Variants in PTBP2 observed in about 807,000 individuals in gnomAD.
The protein encoded by PTBP2 is polypyrimidine tract binding protein 2, also known as polypyrimidine tract-binding protein 2.
Under a neutral mutation model 61.4 loss-of-function variants are expected in PTBP2, and 13 were observed. That is an observed-to-expected ratio of 0.21 (90% confidence interval 0.14 to 0.34). The LOEUF (loss-of-function observed/expected upper bound fraction) is 0.34, where lower values mean the gene tolerates loss of function less well. Among genes scored for constraint, PTBP2 ranks in the 10% least tolerant of loss-of-function variants. The probability of loss-of-function intolerance (pLI) is 1.00; values close to 1 mark genes in which losing one functional copy is unlikely to be tolerated. For synonymous variants in PTBP2, 215 were observed against 218.5 expected (o/e 0.98, Z 0.14); for missense variants, 405 against 642.6 (o/e 0.63, Z 4.00).
chr1:96,794,440 A>G (rs1434885364), intron 8 of PTBP2, among the ~76,000 whole-genome samples: 3 of 152,192 alleles, frequency 2.0e-5, no homozygotes, highest in Non-Finnish European at 4.4e-5. Flanking sequence ...CCAAAGTATA[A>G]AATATGATTC....
At chr1:96,823,083 C>T (rs1420033342) in exon 14 of PTBP2, 1 of 152,438 alleles carries the variant, frequency 6.6e-6, no homozygotes, top group Admixed American at 6.5e-5. Context: ...GCCTCAGCCT[C>T]CTGAGTAGCT....
chr1:96,732,589 G>T (rs771313905), intron 2 of PTBP2, among the ~76,000 whole-genome samples: 1 of 152,120 alleles, frequency 6.6e-6, no homozygotes, highest in Non-Finnish European at 1.5e-5. Flanking sequence ...TCAATAAAAA[G>T]ATAAATAACA....
At chr1:96,731,321 T>TTGG (rs1408578555) in intron 2 of PTBP2, among the ~76,000 whole-genome samples, 1 of 152,180 alleles carries the variant, frequency 6.6e-6, no homozygotes, top group African/African-American at 2.4e-5. Context: ...TTCCATACCC[T>TTGG]TGGCAATTCT....
chr1:96,804,936 A>G lies in PTBP2; in HGVS notation c.1041A>G (p.Glu347=). Residue 347 remains glutamate (E), a synonymous_variant, in exon 9 of 14, where the codon GAA becomes GAG. Coordinates refer to ENST00000674951, the MANE Select transcript of PTBP2 (RefSeq NM_021190.4). ...NTVLLVSNLN[E]EMVTPQSLFT... The stretch of plus-strand genomic sequence containing the variant: ...TCCTGTTGGTTAGCAATTTAAATGA[A>G]GAGGTTAGTAAAATAATCTCTAATG... 1 of 1,585,648 alleles carries G rather than the reference A, an allele frequency of 6.3e-7. No individual in the cohort carries two copies. Among genetic ancestry groups the G allele is most frequent in the Non-Finnish European group, 8.6e-7 (1 of 1,164,466 alleles).
At chr1:96,757,538 A>G (rs1281264195) in intron 3 of PTBP2, among the ~76,000 whole-genome samples, 3 of 152,218 alleles carry the variant, frequency 2.0e-5, no homozygotes, top group Non-Finnish European at 4.4e-5. Flanking sequence ...ATAGGATAGT[A>G]CAGTCCTAGC....
chr1:96,732,056 A>C (rs1047827953), intron 2 of PTBP2, among the ~76,000 whole-genome samples: 1 of 152,190 alleles, frequency 6.6e-6, no homozygotes, highest in Non-Finnish European at 1.5e-5. Context: ...ATCAAGACCT[A>C]TAACTGGACA....
At chr1:96,793,621 T>C (rs536445206) in intron 8 of PTBP2, among the ~76,000 whole-genome samples, 1 of 152,300 alleles carries the variant, frequency 6.6e-6, no homozygotes, top group East Asian at 1.9e-4. Flanking sequence ...TCCGCCCACC[T>C]TGGTCTCCCA....
At chr1:96,760,544 C>T (rs927079803) in intron 3 of PTBP2, among the ~76,000 whole-genome samples, 1 of 143,758 alleles carries the variant, frequency 7.0e-6, no homozygotes, top group Non-Finnish European at 1.5e-5. Context: ...CTCCTGGGTT[C>T]AAGCGATTCT....
chr1:96,765,588 G>C (rs1200342280), intron 3 of PTBP2, among the ~76,000 whole-genome samples: 1 of 152,066 alleles, frequency 6.6e-6, no homozygotes, highest in Non-Finnish European at 1.5e-5. Flanking sequence ...GTGCACACCT[G>C]AATTCCCAGC....
chr1:96,808,038 T>C (rs1336626480), intron 11 of PTBP2, among the ~76,000 whole-genome samples: 2 of 152,162 alleles, frequency 1.3e-5, no homozygotes, highest in African/African-American at 2.4e-5. Flanking sequence ...TTCTCAAATA[T>C]GTCATTTTTT....
intron 3 of PTBP2, among the ~76,000 whole-genome samples, chr1:96,769,069 G>T (rs562513778): frequency 6.6e-6 from 1 of 151,870 alleles, no homozygotes; most frequent in South Asian, 2.1e-4. Flanking sequence ...TAAATCTTGG[G>T]GATAGTGATG....
At chr1:96,754,751 G>T (rs1163284012) in intron 3 of PTBP2, among the ~76,000 whole-genome samples, 4 of 152,124 alleles carry the variant, frequency 2.6e-5, no homozygotes, top group Admixed American at 1.3e-4. Context: ...TCAATTCAGT[G>T]GAGAAAAAGT....
downstream of PTBP2, chr1:96,819,983 C>T (rs969929247): frequency 1.5e-4 from 23 of 151,890 alleles, no homozygotes; most frequent in African/African-American, 5.6e-4. Context: ...CTATAGTTGT[C>T]TTTGCCCTAA....
chr1:96,811,607 G>A (rs911014662), intron 11 of PTBP2, among the ~76,000 whole-genome samples: 1 of 152,054 alleles, frequency 6.6e-6, no homozygotes, highest in African/African-American at 2.4e-5. Flanking sequence ...AGTAGAGATG[G>A]GGTGTTACCA....
Position 96,785,186 on chromosome 1 carries a change from C to G in PTBP2, c.836C>G (p.Ser279Cys), listed in dbSNP as rs1477551831. ...SRDYTRPDLP[S>C]GDGQPALDPA... ...GATTATACTCGACCTGATCTTCCAT[C>G]TGGGGATGGACAACCTGCATTGGAC... Residue 279 changes from serine to cysteine, a missense_variant, in exon 8 of 14, where the codon TCT becomes TGT. By Grantham distance (112) the Ser-to-Cys change is moderately radical. This residue lies in a region of PTBP2 where 342 missense variants were observed against 491.2 expected (regional missense o/e 0.70). Coordinates refer to ENST00000674951, the MANE Select transcript of PTBP2 (RefSeq NM_021190.4). The G allele has an allele frequency of 6.2e-7, 1 of 1,611,262 alleles. No homozygotes were observed. The highest frequency in any genetic ancestry group is 1.1e-5 in the South Asian group (1 of 90,584).
intron 2 of PTBP2, among the ~76,000 whole-genome samples, chr1:96,733,227 ACT>A (rs1264367561): frequency 2.2e-4 from 33 of 151,262 alleles, no homozygotes; most frequent in Admixed American, 1.8e-3. Context: ...GGCAAAGAAG[ACT>A]CTGTCTCACA....
intron 3 of PTBP2, among the ~76,000 whole-genome samples, chr1:96,763,157 C>T (rs551496260): frequency 4.6e-5 from 7 of 152,276 alleles, no homozygotes; most frequent in Admixed American, 1.3e-4. Flanking sequence ...AGAGACGCTC[C>T]TCACTTCCCA....
At chr1:96,727,929 C>T (rs1475543056) in intron 2 of PTBP2, among the ~76,000 whole-genome samples, 1 of 152,000 alleles carries the variant, frequency 6.6e-6, no homozygotes, top group Non-Finnish European at 1.5e-5. Context: ...GGGGTCTTGT[C>T]TGAGCCATTT....
At chr1:96,757,364 A>C (rs1178137043) in intron 3 of PTBP2, among the ~76,000 whole-genome samples, 1 of 152,230 alleles carries the variant, frequency 6.6e-6, no homozygotes, top group East Asian at 1.9e-4. Flanking sequence ...ATAAAAAAGC[A>C]TATTTCACAA....
Sources: allele counts gnomAD v4.1 joint callset (sites outside exome capture counted in the v4.1 genomes callset), GRCh38; gene constraint gnomAD v4.1.1; regional missense constraint gnomAD v4.1.1; transcripts MANE v1.5; gene names NCBI Gene and HGNC (gene_info 2026-07-23, HGNC 2026-07-21).